The following RCOR1 variants were observed in gnomAD, a reference collection of about 807,000 sequenced individuals.
The protein encoded by RCOR1 is REST corepressor 1.
Under a neutral mutation model 64.0 loss-of-function variants are expected in RCOR1, and 12 were observed. The observed-to-expected ratio is 0.19, with a 90% CI of 0.12 to 0.30. RCOR1 has a LOEUF of 0.30. Ranked by LOEUF, RCOR1 falls within the 10% of genes least tolerant of loss-of-function variation. RCOR1 has a pLI of 1.00. For synonymous variants in RCOR1, 279 were observed against 227.2 expected, an observed-to-expected ratio of 1.23 and a Z score of -2.05; for missense variants, 502 against 621.2, an observed-to-expected ratio of 0.81 and a Z score of 2.04.
rs528197180 is a variant in RCOR1 at position 102,667,577 on chromosome 14, A to G, written c.362-14318A>G. 3.9e-5 allele frequency among the ~76,000 whole-genome samples: 6 copies of G among 152,256 alleles called. No homozygotes were observed. The South Asian group carries it at 1.2e-3, about 32-fold the overall frequency. On this transcript the variant is annotated intron_variant, in intron 2 of 11. Coordinates refer to ENST00000262241, the MANE Select transcript of RCOR1 (RefSeq NM_015156.4). ...AAAGATTGCTCTAGCTAGTGGAGAAACTGAATCTGGGGAGACCGAATTTAG... is the reference window on the plus strand; with the variant it reads ...AAAGATTGCTCTAGCTAGTGGAGAAGCTGAATCTGGGGAGACCGAATTTAG...
chr14:102,632,845 C>T (rs1894157171), intron 2 of RCOR1, among the ~76,000 whole-genome samples: 1 of 145,958 alleles, frequency 6.9e-6, no homozygotes, highest in Non-Finnish European at 1.5e-5. Context: ...CAGGATCTCA[C>T]TCTGTCACCT....
At chr14:102,691,358 A>C (rs775215874) in intron 3 of RCOR1, among the ~76,000 whole-genome samples, 2 of 152,190 alleles carry the variant, frequency 1.3e-5, no homozygotes, top group African/African-American at 4.8e-5. Context: ...ACCTGTGCTG[A>C]GTGAGTCATG....
intron 3 of RCOR1, among the ~76,000 whole-genome samples, chr14:102,692,756 CTT>C (rs60473382): frequency 5.6e-5 from 7 of 123,962 alleles, no homozygotes; most frequent in Admixed American, 2.7e-4. Flanking sequence ...TTCCTTCCTT[CTT>C]TTTCTTTTTC....
chr14:102,638,068 C>G (rs72702754), intron 2 of RCOR1, among the ~76,000 whole-genome samples: 5,683 of 152,236 alleles, frequency 0.037, 153 homozygotes, highest in Non-Finnish European at 0.05. Flanking sequence ...GCAGATTTAC[C>G]ATGTAAATGT....
intron 2 of RCOR1, among the ~76,000 whole-genome samples, chr14:102,628,919 C>G (rs904755325): frequency 7.6e-5 from 11 of 144,912 alleles, no homozygotes; most frequent in African/African-American, 2.9e-4. Flanking sequence ...TTGAGACGGT[C>G]TCGCTCTGTC....
intron 2 of RCOR1, chr14:102,658,556 T>C: frequency 2.0e-6 from 2 of 985,392 alleles, no homozygotes; most frequent in Non-Finnish European, 2.4e-6. Context: ...TGTGACTCTT[T>C]TCTCAGGAAC....
intron 2 of RCOR1, among the ~76,000 whole-genome samples, chr14:102,634,571 T>C (rs991093537): frequency 1.3e-5 from 2 of 151,830 alleles, no homozygotes; most frequent in Non-Finnish European, 2.9e-5. Context: ...ACTAAGTTTT[T>C]TGACATCTTT....
intron 2 of RCOR1, among the ~76,000 whole-genome samples, chr14:102,646,559 A>G (rs1894481040): frequency 6.6e-6 from 1 of 152,248 alleles, no homozygotes; most frequent in Admixed American, 6.5e-5. Flanking sequence ...TAGGAAACCA[A>G]GGAAATCTTC....
At chr14:102,663,201 C>T (rs1894858318) in intron 2 of RCOR1, among the ~76,000 whole-genome samples, 1 of 152,228 alleles carries the variant, frequency 6.6e-6, no homozygotes, top group South Asian at 2.1e-4. Flanking sequence ...GTTGCTCCTC[C>T]TTGCCGTCCG....
intron 2 of RCOR1, among the ~76,000 whole-genome samples, chr14:102,637,601 C>T (rs567054439): frequency 1.2e-4 from 19 of 152,122 alleles, no homozygotes; most frequent in East Asian, 7.7e-4. Context: ...CAGGCACCAT[C>T]GTGCTTGGCT....
intron 2 of RCOR1, among the ~76,000 whole-genome samples, chr14:102,616,121 C>T (rs1893754053): frequency 6.6e-6 from 1 of 152,136 alleles, no homozygotes; most frequent in Non-Finnish European, 1.5e-5. Flanking sequence ...GCAGATACCT[C>T]CTTGACTTCA....
rs1357530823 is a variant in RCOR1, at chr14:102,593,187, G to C, written c.301G>C (p.Gly101Arg). 6.7e-7 allele frequency: 1 copy of C among 1,498,982 alleles called. No homozygotes were observed. The highest frequency in any genetic ancestry group is 1.3e-5 in the South Asian group (1 of 77,910). The allele number at this position is 1,498,982 out of a possible 1,614,324, so 92.9% of individuals were successfully genotyped here. A position where few individuals can be genotyped will look rare whatever the true frequency, so the allele number is the denominator to read the frequency against. ...GGGCTCGTCCAGCGACGAGGAGCAC[G>C]GTAGGTGGCAGCCGCCCCCGCGGCC... ...SSGSSSDEEHGGGGMRVGPQY... is the reference protein window; with the variant it reads ...SSGSSSDEEHRGGGMRVGPQY... The change falls in exon 1 of 12, where the codon GGT becomes CGT. Residue 101 changes from glycine to arginine, a missense_variant and splice_region_variant. Gly to Arg is a moderately radical substitution (Grantham distance 125). This residue lies in a region of RCOR1 where 242 missense variants were observed against 204.9 expected (regional missense o/e 1.18). Transcript: ENST00000262241.
chr14:102,680,896 A>C (rs1050695314), intron 2 of RCOR1, among the ~76,000 whole-genome samples: 2 of 152,202 alleles, frequency 1.3e-5, no homozygotes, highest in East Asian at 3.8e-4. Flanking sequence ...CAGAAATTCA[A>C]CTTTTAATTT....
intron 2 of RCOR1, among the ~76,000 whole-genome samples, chr14:102,624,007 C>T (rs1411866018): frequency 1.3e-5 from 2 of 150,302 alleles, no homozygotes; most frequent in Non-Finnish European, 3.0e-5. Flanking sequence ...TCCTGGCTAA[C>T]ATGGTGAAAC....
chr14:102,659,867 A>G (rs1199323079), intron 2 of RCOR1, among the ~76,000 whole-genome samples: 1 of 152,184 alleles, frequency 6.6e-6, no homozygotes, highest in Non-Finnish European at 1.5e-5. Flanking sequence ...AATGTGGGAG[A>G]AGACAGCCAT....
In RCOR1 at chr14:102,704,681, C is replaced by T. The variant is rs189078990; in HGVS notation, c.499-2670C>T. On this transcript the variant is annotated intron_variant, in intron 4 of 11. Transcript: ENST00000262241. ...TCCTGACCTCGTGATCCACTCACGT[C>T]GGCCTTCCGAAGTGCTGGGATTATA... Among the ~76,000 whole-genome samples, 103 of 152,360 alleles carry T rather than the reference C, an allele frequency of 6.8e-4. No individual in the cohort carries two copies. The Middle Eastern group carries it at 0.02, about 30-fold the overall frequency.
chr14:102,719,708 T>G (rs554460673), intron 8 of RCOR1, among the ~76,000 whole-genome samples: 2 of 152,336 alleles, frequency 1.3e-5, no homozygotes, highest in Admixed American at 1.3e-4. Context: ...GTTCAGAATT[T>G]TAGATGTTTT....
chr14:102,718,608 G>A (rs575816754), intron 8 of RCOR1, among the ~76,000 whole-genome samples: 57 of 152,308 alleles, frequency 3.7e-4, no homozygotes, highest in African/African-American at 1.4e-3. Context: ...TGTCTAGGTA[G>A]GGCGTCAGGA....
intron 8 of RCOR1, among the ~76,000 whole-genome samples, chr14:102,716,701 C>T (rs1566713106): frequency 6.6e-6 from 1 of 151,968 alleles, no homozygotes; most frequent in Non-Finnish European, 1.5e-5. Flanking sequence ...TTCCTTTAAT[C>T]TCTTTGTCCA....
Sources: gnomAD v4.1 joint callset for allele counts (sites outside exome capture counted in the v4.1 genomes callset) on GRCh38, gnomAD v4.1.1 for gene constraint, gnomAD v4.1.1 regional missense constraint, MANE v1.5 for transcripts, NCBI Gene and HGNC (gene_info 2026-07-23, HGNC 2026-07-21) for gene names.